Variants in CCDC3 observed in about 807,000 individuals in gnomAD.
The protein encoded by CCDC3 is coiled-coil domain-containing protein 3.
Under a neutral mutation model 21.4 loss-of-function variants are expected in CCDC3, and 24 were observed. The observed-to-expected ratio is 1.12, with a 90% CI of 0.81 to 1.58. The LOEUF is 1.58. CCDC3 is among the 40% of genes most tolerant of loss of function. CCDC3 has a pLI of 0.00. For synonymous variants in CCDC3, 186 were observed against 166.0 expected, an observed-to-expected ratio of 1.12 and a Z score of -0.93; for missense variants, 425 against 360.9, an observed-to-expected ratio of 1.18 and a Z score of -1.44.
rs778892576 is a variant in CCDC3, at chr10:13,001,313, C to G, written c.258G>C (p.Ala86=). 8.7e-6 allele frequency: 14 copies of G among 1,606,094 alleles called. No individual in the cohort carries two copies. The highest frequency in any genetic ancestry group is 4.0e-5 in the African/African-American group (3 of 74,894). The change falls in exon 1 of 3, where the codon GCG becomes GCC. Residue 86 remains alanine (A), a synonymous_variant. Transcript: ENST00000378825. ...SAEVEMLCDQ[A]WGSMLEVPAG... is the part of the protein sequence containing the mutation. ...CGGGCACCTCCAGCATGCTGCCCCA[C>G]GCCTGGTCGCACAGCATCTCGACCT...
chr10:13,080,688 C>T (rs973669545), intron 3 of CCDC3, among the ~76,000 whole-genome samples: 4 of 152,234 alleles, frequency 2.6e-5, no homozygotes, highest in African/African-American at 4.8e-5. Flanking sequence ...GGCCCTCCAG[C>T]GCAGAGTTAA....
intron 5 of CCDC3, among the ~76,000 whole-genome samples, chr10:13,009,134 T>A (rs2131397651): frequency 6.6e-6 from 1 of 152,302 alleles, no homozygotes; most frequent in Non-Finnish European, 1.5e-5. Context: ...TAACAACAAT[T>A]GGAAATTGAC....
At chr10:12,926,255 G>A (rs907107921) in intron 2 of CCDC3, among the ~76,000 whole-genome samples, 2 of 152,218 alleles carry the variant, frequency 1.3e-5, no homozygotes, top group African/African-American at 4.8e-5. Context: ...ACTGAGTTGT[G>A]TGTAACTGCT....
chr10:13,019,693 C>A (rs1836120440), intron 5 of CCDC3, among the ~76,000 whole-genome samples: 1 of 152,164 alleles, frequency 6.6e-6, no homozygotes, highest in Non-Finnish European at 1.5e-5. Context: ...TTCAAGACTG[C>A]ATGAATAAAT....
intron 3 of CCDC3, among the ~76,000 whole-genome samples, chr10:13,080,636 T>C (rs1055948021): frequency 2.6e-5 from 4 of 152,236 alleles, no homozygotes; most frequent in South Asian, 4.1e-4. Context: ...CAACCCCTTA[T>C]AAAGAAAATC....
chr10:13,058,494 A>G, intron 4 of CCDC3: 3 of 750,550 alleles, frequency 4.0e-6, no homozygotes, highest in Non-Finnish European at 7.3e-6. Context: ...CAATCTGACA[A>G]ATGATATCTC....
In CCDC3 at chr10:12,944,880, T is replaced by C. The variant is rs371695984; in HGVS notation, c.550-46201A>G. Among the ~76,000 whole-genome samples, 9 of 152,250 alleles carry C rather than the reference T, an allele frequency of 5.9e-5. 1 individual carries two copies. Among genetic ancestry groups the C allele is most frequent in the Non-Finnish European group, 1.5e-5 (1 of 68,012 alleles). ...AACAATGAATTAGATGTAGGAAAAA[T>C]ATTCCCATGGGAAAGGGGTCTTCCC... On this transcript the variant is annotated intron_variant, in intron 2 of 2. Transcript: ENST00000378825.
At chr10:13,090,593 G>A (rs983093979) in intron 3 of CCDC3, among the ~76,000 whole-genome samples, 6 of 152,136 alleles carry the variant, frequency 3.9e-5, no homozygotes, top group African/African-American at 1.4e-4. Context: ...TATCCCACAA[G>A]TAATGCAAGT....
At chr10:13,075,670 G>A (rs575811212) in intron 3 of CCDC3, among the ~76,000 whole-genome samples, 81 of 152,274 alleles carry the variant, frequency 5.3e-4, no homozygotes, top group African/African-American at 1.9e-3. Flanking sequence ...GCCTAGAATT[G>A]GATGAGCCTT....
intron 2 of CCDC3, among the ~76,000 whole-genome samples, chr10:12,980,914 T>C (rs1835487219): frequency 6.6e-6 from 1 of 152,230 alleles, no homozygotes; most frequent in African/African-American, 2.4e-5. Context: ...TCTCAAGCTC[T>C]GCTTCTAGTA....
At chr10:13,021,688 T>C (rs563470863) in intron 5 of CCDC3, among the ~76,000 whole-genome samples, 10 of 152,306 alleles carry the variant, frequency 6.6e-5, no homozygotes, top group Admixed American at 2.0e-4. Flanking sequence ...TTATCTCCAA[T>C]AAGATGGATA....
chr10:13,062,402 C>G (rs1836768900), intron 4 of CCDC3, among the ~76,000 whole-genome samples: 1 of 152,178 alleles, frequency 6.6e-6, no homozygotes, highest in Non-Finnish European at 1.5e-5. Context: ...GGATTCTTCT[C>G]CAGTCCTCCT....
rs1180514766 is a variant in CCDC3 at position 13,038,346 on chromosome 10, T to C, written c.-2+11328A>G. Among the ~76,000 whole-genome samples, 2 of 140,156 alleles carry C rather than the reference T, an allele frequency of 1.4e-5. 1 individual carries two copies. Among genetic ancestry groups the C allele is most frequent in the South Asian group, 4.5e-4 (2 of 4,458 alleles). The allele number at this position is 140,156 out of a possible 152,430, so 91.9% of individuals were successfully genotyped here. A position where few individuals can be genotyped will look rare whatever the true frequency, so the allele number is the denominator to read the frequency against. ...TATGTAAATGTGCACATCCTGCACATGTACCCTGGAACTTAAAAGTTGGAA... is the reference window on the plus strand; with the variant it reads ...TATGTAAATGTGCACATCCTGCACACGTACCCTGGAACTTAAAAGTTGGAA... On this transcript the variant is annotated intron_variant, in intron 5 of 6. Coordinates refer to the CCDC3 transcript ENST00000378839.
At chr10:13,030,932 T>C (rs1411184837) in intron 5 of CCDC3, among the ~76,000 whole-genome samples, 1 of 152,132 alleles carries the variant, frequency 6.6e-6, no homozygotes, top group Admixed American at 6.5e-5. Flanking sequence ...ATTAGACAGA[T>C]CAACAAGACA....
At chr10:12,934,059 C>T (rs1834695728) in intron 2 of CCDC3, among the ~76,000 whole-genome samples, 1 of 152,068 alleles carries the variant, frequency 6.6e-6, no homozygotes, top group Non-Finnish European at 1.5e-5. Context: ...TTCTTCTTTC[C>T]TAATATATGC....
At chr10:13,097,634 G>A (rs1832644778) in intron 3 of CCDC3, among the ~76,000 whole-genome samples, 1 of 152,214 alleles carries the variant, frequency 6.6e-6, no homozygotes, top group Non-Finnish European at 1.5e-5. Context: ...TGAGGCAGGA[G>A]AATCACTCAA....
At chr10:12,924,837 A>G (rs78132484) in intron 2 of CCDC3, 1 of 152,186 alleles carries the variant, frequency 6.6e-6, no homozygotes, top group African/African-American at 2.4e-5. Flanking sequence ...GCTTGTGAGA[A>G]TCTCCAAATA....
At chr10:13,059,622 C>T (rs571066) in intron 4 of CCDC3, among the ~76,000 whole-genome samples, 87,791 of 151,890 alleles carry the variant, frequency 0.58, 26,349 homozygotes, top group African/African-American at 0.74. Flanking sequence ...GAATAAATCA[C>T]AGAGAGAAAG....
intron 2 of CCDC3, among the ~76,000 whole-genome samples, chr10:12,909,696 A>G (rs1435237813): frequency 6.6e-6 from 1 of 152,188 alleles, no homozygotes; most frequent in Non-Finnish European, 1.5e-5. Context: ...ACCGTGGACT[A>G]ACGGTGCAGG....
Sources: allele counts gnomAD v4.1 joint callset (sites outside exome capture counted in the v4.1 genomes callset), GRCh38; gene constraint gnomAD v4.1.1; transcripts MANE v1.5; gene names NCBI Gene and HGNC (gene_info 2026-07-23, HGNC 2026-07-21).